FHIT: variants seen among roughly 807,000 people sequenced by gnomAD.
The protein encoded by FHIT is fragile histidine triad diadenosine triphosphatase.
Under a neutral mutation model 17.9 loss-of-function variants are expected in FHIT, and 19 were observed. That is an observed-to-expected ratio of 1.06 (90% CI 0.74 to 1.56). The LOEUF (loss-of-function observed/expected upper bound fraction) is 1.56, where lower values mean the gene tolerates loss of function less well. Among genes scored for constraint, FHIT ranks in the 40% most tolerant of loss-of-function variants. FHIT has a pLI of 0.00. For missense variants in FHIT, 248 were observed against 189.2 expected (o/e 1.31, Z -1.82); for synonymous variants, 81 against 69.7 (o/e 1.16, Z -0.81).
intron 5 of FHIT, among the ~76,000 whole-genome samples, chr3:60,133,991 C>T (rs1457739052): frequency 6.6e-6 from 1 of 151,964 alleles, no homozygotes; most frequent in Non-Finnish European, 1.5e-5. Context: ...ACAGTTCTTA[C>T]ATTAACTGTT....
chr3:60,802,183 A>T lies in FHIT; in HGVS notation c.-18+19736T>A, dbSNP rs1701214893. Among the ~76,000 whole-genome samples, 3 of 152,360 alleles carry T rather than the reference A, an allele frequency of 2.0e-5. No individual in the cohort carries two copies. The South Asian group carries it at 6.2e-4, about 32-fold the overall frequency. On this transcript the variant is annotated intron_variant, in intron 4 of 9. Transcript: ENST00000492590. ...TGGTAATTGGCATATTCTAGACCAG[A>T]GAAGAACTCAAATGGTTGTGGAATC... is the stretch of plus-strand genomic sequence containing the variant.
chr3:60,274,409 C>A (rs1707023668), intron 5 of FHIT, among the ~76,000 whole-genome samples: 1 of 152,114 alleles, frequency 6.6e-6, no homozygotes. Context: ...AACGAAATGA[C>A]AAAATACCCT....
intron 7 of FHIT, among the ~76,000 whole-genome samples, chr3:59,925,745 C>T (rs1705628215): frequency 6.6e-6 from 1 of 152,150 alleles, no homozygotes; most frequent in Non-Finnish European, 1.5e-5. Context: ...TAGATCTCAA[C>T]CCACCCTGAT....
chr3:60,284,635 G>A (rs9849524), intron 5 of FHIT, among the ~76,000 whole-genome samples: 37,568 of 151,774 alleles, frequency 0.25, 5,420 homozygotes, highest in East Asian at 0.7. Flanking sequence ...CATTGTTTCT[G>A]AGTAATCTGA....
chr3:60,806,245 C>T (rs1215190343), intron 4 of FHIT, among the ~76,000 whole-genome samples: 1 of 152,198 alleles, frequency 6.6e-6, no homozygotes, highest in East Asian at 1.9e-4. Flanking sequence ...ATCAGCACCC[C>T]AGGCAGCAGC....
At chr3:60,411,732 G>T (rs1702068687) in intron 5 of FHIT, among the ~76,000 whole-genome samples, 1 of 152,108 alleles carries the variant, frequency 6.6e-6, no homozygotes, top group South Asian at 2.1e-4. Flanking sequence ...AAAAGAAAAT[G>T]CTTTCAACAA....
chr3:59,789,643 T>C (rs921372688), intron 8 of FHIT, among the ~76,000 whole-genome samples: 3 of 152,234 alleles, frequency 2.0e-5, no homozygotes, highest in African/African-American at 4.8e-5. Context: ...GCCTGTGACA[T>C]TGAGGCATTT....
intron 5 of FHIT, among the ~76,000 whole-genome samples, chr3:60,177,999 T>C (rs1446599241): frequency 6.6e-6 from 1 of 152,200 alleles, no homozygotes; most frequent in Non-Finnish European, 1.5e-5. Flanking sequence ...GAGTCCTAGC[T>C]ACGGGAAAGT....
chr3:60,572,871 C>G (rs782038634), intron 4 of FHIT, among the ~76,000 whole-genome samples: 2 of 152,150 alleles, frequency 1.3e-5, no homozygotes, highest in Admixed American at 6.6e-5. Context: ...TCGCAGAGTT[C>G]TTTAATCACC....
chr3:60,213,341 T>C (rs940353190), intron 5 of FHIT, among the ~76,000 whole-genome samples: 1 of 152,126 alleles, frequency 6.6e-6, no homozygotes, highest in Non-Finnish European at 1.5e-5. Context: ...AACCCACAGC[T>C]TTTTTGTGTC....
intron 3 of FHIT, among the ~76,000 whole-genome samples, chr3:60,935,111 A>T (rs1553772752): frequency 6.6e-6 from 1 of 152,220 alleles, no homozygotes; most frequent in African/African-American, 2.4e-5. Flanking sequence ...TCAATATTAC[A>T]TGTGAAGAAA....
chr3:61,076,995 A>T lies in FHIT; in HGVS notation c.-163-34896T>A, dbSNP rs116376403. 2.5e-3 allele frequency among the ~76,000 whole-genome samples: 380 copies of T among 152,262 alleles called. 2 individuals carry two copies. The highest frequency in any genetic ancestry group is 8.7e-3 in the African/African-American group (362 of 41,558). ...AAGGAGACAGGTGTGTAAATACCTA[A>T]CCAAACTTACAGGCAGGATGAATGA... is the stretch of plus-strand genomic sequence containing the variant. On this transcript the variant is annotated intron_variant, in intron 2 of 9. Coordinates refer to ENST00000492590, the MANE Select transcript of FHIT (RefSeq NM_002012.4).
At chr3:59,935,288 T>C (rs562463190) in intron 7 of FHIT, among the ~76,000 whole-genome samples, 1 of 152,304 alleles carries the variant, frequency 6.6e-6, no homozygotes, top group African/African-American at 2.4e-5. Flanking sequence ...GCTGTTGTTG[T>C]AGTCATGGAG....
chr3:60,361,046 TACATC>T (rs1402447002), intron 5 of FHIT, among the ~76,000 whole-genome samples: 1 of 152,176 alleles, frequency 6.6e-6, no homozygotes, highest in Non-Finnish European at 1.5e-5. Flanking sequence ...ACTGGTGTAA[TACATC>T]CTGGTGATGG....
intron 4 of FHIT, among the ~76,000 whole-genome samples, chr3:60,681,290 T>G (rs2040740940): frequency 6.6e-6 from 1 of 152,166 alleles, no homozygotes; most frequent in African/African-American, 2.4e-5. Context: ...TTGTAAGTGT[T>G]ATGGAGCCCA....
At chr3:60,246,852 C>T (rs1282314399) in intron 5 of FHIT, among the ~76,000 whole-genome samples, 1 of 152,110 alleles carries the variant, frequency 6.6e-6, no homozygotes, top group African/African-American at 2.4e-5. Flanking sequence ...GTTTCTCTTA[C>T]TGGGTTTTCA....
intron 5 of FHIT, among the ~76,000 whole-genome samples, chr3:60,122,565 G>C (rs569088950): frequency 3.9e-5 from 6 of 152,128 alleles, no homozygotes; most frequent in Non-Finnish European, 8.8e-5. Context: ...AAACCTCTAA[G>C]AGATCATTTT....
At chr3:60,755,257 GTGTT>G (rs1214121726) in intron 4 of FHIT, among the ~76,000 whole-genome samples, 1 of 152,200 alleles carries the variant, frequency 6.6e-6, no homozygotes, top group Non-Finnish European at 1.5e-5. Flanking sequence ...TCAGGCATGT[GTGTT>G]TACTGGATGA....
intron 8 of FHIT, among the ~76,000 whole-genome samples, chr3:59,832,076 A>T (rs1304003018): frequency 6.6e-6 from 1 of 152,142 alleles, no homozygotes; most frequent in Non-Finnish European, 1.5e-5. Context: ...TTGCCCCCCC[A>T]TGATGTGCAC....
Sources: gnomAD v4.1 joint callset for allele counts (sites outside exome capture counted in the v4.1 genomes callset) on GRCh38, gnomAD v4.1.1 for gene constraint, MANE v1.5 for transcripts, NCBI Gene and HGNC (gene_info 2026-07-23, HGNC 2026-07-21) for gene names.